The following PPM1H variants were observed in gnomAD, a reference collection of about 807,000 sequenced individuals.
The protein encoded by PPM1H is protein phosphatase 1H.
A neutral mutation model predicts 54.9 loss-of-function variants in PPM1H; 27 were observed. The ratio of observed to expected loss-of-function variants is 0.49; its 90% CI spans 0.36 to 0.68. The LOEUF (loss-of-function observed/expected upper bound fraction) is 0.68, where lower values mean the gene tolerates loss of function less well. Among genes scored for constraint, PPM1H ranks in the 30% least tolerant of loss-of-function variants. The pLI is 0.00. For synonymous variants in PPM1H, 305 were observed against 270.8 expected, an observed-to-expected ratio of 1.13 and a Z score of -1.24; for missense variants, 596 against 667.8, an observed-to-expected ratio of 0.89 and a Z score of 1.19.
intron 1 of PPM1H, among the ~76,000 whole-genome samples, chr12:62,903,903 A>G (rs936636908): frequency 2.6e-5 from 4 of 152,222 alleles, no homozygotes; most frequent in African/African-American, 4.8e-5. Flanking sequence ...ACTGATGTTC[A>G]TATTTAATCT....
intron 1 of PPM1H, among the ~76,000 whole-genome samples, chr12:62,832,785 C>G (rs570402506): frequency 6.6e-6 from 1 of 152,158 alleles, no homozygotes; most frequent in Admixed American, 6.5e-5. Context: ...CATACCCCCC[C>G]ATTTTTGCTT....
At chr12:62,678,713 C>G (rs975492457) in intron 8 of PPM1H, among the ~76,000 whole-genome samples, 1 of 151,618 alleles carries the variant, frequency 6.6e-6, no homozygotes, top group Non-Finnish European at 1.5e-5. Flanking sequence ...CTTTTTGAGA[C>G]AGAGTCTTAC....
chr12:62,742,996 T>C (rs2076390716), intron 4 of PPM1H, among the ~76,000 whole-genome samples: 1 of 152,066 alleles, frequency 6.6e-6, no homozygotes, highest in Admixed American at 6.5e-5. Flanking sequence ...AGGTTTAGGG[T>C]GTTCTTATGA....
chr12:62,859,450 C>A (rs1367616642), intron 1 of PPM1H, among the ~76,000 whole-genome samples: 1 of 152,174 alleles, frequency 6.6e-6, no homozygotes, highest in Admixed American at 6.5e-5. Context: ...GGTGCATTAT[C>A]TTTAATAATA....
At chr12:62,706,508 C>T (rs1209089143) in intron 6 of PPM1H, among the ~76,000 whole-genome samples, 2 of 152,210 alleles carry the variant, frequency 1.3e-5, no homozygotes, top group South Asian at 2.1e-4. Flanking sequence ...TCACATACCC[C>T]AATGTTTATT....
intron 8 of PPM1H, among the ~76,000 whole-genome samples, chr12:62,675,311 A>G (rs2075979718): frequency 6.6e-6 from 1 of 152,212 alleles, no homozygotes; most frequent in Non-Finnish European, 1.5e-5. Context: ...GCTATTGCAT[A>G]AACATTCCAT....
At chr12:62,648,726 C>T in intron 9 of PPM1H, 90 bp from the exon 10 acceptor site, 1 of 1,381,432 alleles carries the variant, frequency 7.2e-7, no homozygotes, top group Non-Finnish European at 1.0e-6. Flanking sequence ...GGCATCACTA[C>T]AGTTGTATAA....
intron 4 of PPM1H, among the ~76,000 whole-genome samples, chr12:62,743,277 T>C (rs2076392622): frequency 6.6e-6 from 1 of 151,978 alleles, no homozygotes; most frequent in African/African-American, 2.4e-5. Context: ...TGCTTGAACC[T>C]GGGAAGGGGA....
At chr12:62,933,066 T>C (rs1205197478) in intron 1 of PPM1H, among the ~76,000 whole-genome samples, 1 of 152,168 alleles carries the variant, frequency 6.6e-6, no homozygotes, top group African/African-American at 2.4e-5. Flanking sequence ...CTCTTGGAAG[T>C]TACAATGCTA....
chr12:62,672,957 T>C (rs1272756249), intron 8 of PPM1H, among the ~76,000 whole-genome samples: 1 of 152,194 alleles, frequency 6.6e-6, no homozygotes, highest in Non-Finnish European at 1.5e-5. Flanking sequence ...AAATTAAACA[T>C]ACAAGATACT....
intron 1 of PPM1H, among the ~76,000 whole-genome samples, chr12:62,892,140 C>T (rs1412430038): frequency 1.3e-5 from 2 of 152,170 alleles, no homozygotes; most frequent in African/African-American, 2.4e-5. Flanking sequence ...TTAAAGCACA[C>T]TGAGTTTTTA....
chr12:62,767,885 C>T (rs897863335), intron 4 of PPM1H, among the ~76,000 whole-genome samples: 1 of 152,160 alleles, frequency 6.6e-6, no homozygotes, highest in African/African-American at 2.4e-5. Flanking sequence ...CCTCCATTTC[C>T]TCCATTTTAA....
At position 62,726,056 on chromosome 12, in the gene PPM1H, C is replaced by G. The variant is rs565396254; in HGVS notation, c.955-5767G>C. On this transcript the variant is annotated intron_variant, in intron 5 of 9. Transcript: ENST00000228705. Reference sequence around the variant, plus strand: ...GTACCTGTGATATATTTTTACCACTCTCTCTTTTTTAAAAAATCACCACCC... The same window carrying G: ...GTACCTGTGATATATTTTTACCACTGTCTCTTTTTTAAAAAATCACCACCC... Among the ~76,000 whole-genome samples, 3 of 152,284 alleles carry G rather than the reference C, an allele frequency of 2.0e-5. No homozygotes were observed. In the East Asian group the frequency reaches 5.8e-4, roughly 29 times the overall value.
intron 1 of PPM1H, among the ~76,000 whole-genome samples, chr12:62,876,821 G>A (rs556386042): frequency 2.0e-5 from 3 of 152,220 alleles, no homozygotes; most frequent in African/African-American, 4.8e-5. Flanking sequence ...CCAACATCCC[G>A]TTATGTAAGT....
intron 4 of PPM1H, among the ~76,000 whole-genome samples, chr12:62,745,088 T>C (rs984522629): frequency 1.3e-5 from 2 of 152,230 alleles, no homozygotes; most frequent in African/African-American, 4.8e-5. Flanking sequence ...TTTGGTTCAT[T>C]GTCCTAACTG....
At chr12:62,909,556 G>T (rs1271671182) in intron 1 of PPM1H, among the ~76,000 whole-genome samples, 2 of 152,094 alleles carry the variant, frequency 1.3e-5, no homozygotes, top group East Asian at 3.8e-4. Flanking sequence ...ACACTCTTAA[G>T]CCCCCATCTG....
intron 1 of PPM1H, among the ~76,000 whole-genome samples, chr12:62,839,878 A>AC (rs1868662040): frequency 6.7e-6 from 1 of 150,246 alleles, no homozygotes; most frequent in Non-Finnish European, 1.5e-5. Context: ...TTTCTACAAA[A>AC]AAAAAAAAAA....
chr12:62,728,647 C>T (rs548333737), intron 5 of PPM1H, among the ~76,000 whole-genome samples: 1 of 152,158 alleles, frequency 6.6e-6, no homozygotes, highest in East Asian at 1.9e-4. Context: ...GGTGAGCAAC[C>T]TGCACCCAAG....
intron 1 of PPM1H, among the ~76,000 whole-genome samples, chr12:62,866,396 G>A (rs1180369473): frequency 6.6e-6 from 1 of 152,284 alleles, no homozygotes; most frequent in East Asian, 1.9e-4. Context: ...TCCCTCCTAA[G>A]TGTGGGCAAG....
Sources: gnomAD v4.1 joint callset for allele counts (sites outside exome capture counted in the v4.1 genomes callset) on GRCh38, gnomAD v4.1.1 for gene constraint, MANE v1.5 for transcripts, NCBI Gene and HGNC (gene_info 2026-07-23, HGNC 2026-07-21) for gene names.